The following NKX2-2 variants were observed in gnomAD, a reference collection of about 807,000 sequenced individuals.
The protein encoded by NKX2-2 is NK2 homeobox 2.
NKX2-2 carries 8 observed loss-of-function variants against 24.6 expected under a neutral mutation model. The observed-to-expected ratio is 0.32, with a 90% CI of 0.19 to 0.59. The LOEUF is 0.59. NKX2-2 is among the 20% of genes least tolerant of loss of function. The probability of loss-of-function intolerance (pLI) is 0.86; values close to 1 mark genes in which losing one functional copy is unlikely to be tolerated. For missense variants in NKX2-2, 381 were observed against 373.9 expected (o/e 1.02, Z -0.16); for synonymous variants, 217 against 173.3 (o/e 1.25, Z -1.98).
At chr20:21,521,550 C>T in the NKX2-2 span, among the ~76,000 whole-genome samples, 1 of 152,242 alleles carries the variant, frequency 6.6e-6, no homozygotes, top group Non-Finnish European at 1.5e-5. Flanking sequence ...CCCTCGTGCT[C>T]ATCACCACCG....
chr20:21,519,613 G>A, the NKX2-2 span, among the ~76,000 whole-genome samples: 4 of 152,182 alleles, frequency 2.6e-5, no homozygotes, highest in African/African-American at 7.2e-5. Flanking sequence ...CTTCCAATGC[G>A]GGAGCAGGGG....
chr20:21,520,077 C>T, the NKX2-2 span, among the ~76,000 whole-genome samples: 3 of 152,006 alleles, frequency 2.0e-5, no homozygotes, highest in African/African-American at 7.3e-5. Flanking sequence ...TGAGTGGATG[C>T]CTCCCAGATG....
upstream of NKX2-2, among the ~76,000 whole-genome samples, chr20:21,514,336 C>T (rs1269763234): frequency 1.3e-5 from 2 of 151,486 alleles, no homozygotes; most frequent in East Asian, 3.9e-4. Context: ...CGCTCCCAGC[C>T]AACGGCCCTC....
Position 21,511,698 on chromosome 20 carries a change from G to T in NKX2-2, c.*225C>A, listed in dbSNP as rs1173702845. 3 of 427,584 alleles carry T rather than the reference G, an allele frequency of 7.0e-6. No individual in the cohort carries two copies. Among genetic ancestry groups the T allele is most frequent in the Non-Finnish European group, 1.2e-5 (3 of 244,258 alleles). The allele number at this position is 427,584 out of a possible 1,614,324, so 26.5% of individuals were successfully genotyped here. A position where few individuals can be genotyped will look rare whatever the true frequency, so the allele number is the denominator to read the frequency against. ...GCGTAGAGTTCAGCCCTCTCCCAAG[G>T]TTCAGAAGGAGAGGCATGGGCAGAG... On this transcript the variant is annotated 3_prime_UTR_variant, in exon 2 of 2. Transcript: ENST00000377142.
the NKX2-2 span, among the ~76,000 whole-genome samples, chr20:21,521,924 G>T: frequency 6.6e-6 from 1 of 152,122 alleles, no homozygotes; most frequent in East Asian, 1.9e-4. Flanking sequence ...CCCACCGCGC[G>T]CCCTACCAGG....
At chr20:21,516,390 CTT>C (rs5840920), upstream of NKX2-2, among the ~76,000 whole-genome samples, 463 of 134,814 alleles carry the variant, frequency 3.4e-3, 4 homozygotes, top group African/African-American at 0.011. Context: ...ACTTTTCGTG[CTT>C]TTTTTTTTTT....
At chr20:21,519,440 G>A in the NKX2-2 span, among the ~76,000 whole-genome samples, 1 of 152,222 alleles carries the variant, frequency 6.6e-6, no homozygotes. Context: ...AGGTTTTGTC[G>A]GAGGGGGAAG....
At chr20:21,520,581 A>G in the NKX2-2 span, among the ~76,000 whole-genome samples, 1 of 152,176 alleles carries the variant, frequency 6.6e-6, no homozygotes, top group Admixed American at 6.5e-5. Context: ...TAAATTGAAC[A>G]CGAACTGTGG....
Position 21,511,594 on chromosome 20 carries a change from A to G in NKX2-2, c.*329T>C. 1 of 235,354 alleles carries G rather than the reference A, an allele frequency of 4.2e-6. No homozygotes were observed. Among genetic ancestry groups the G allele is most frequent in the Non-Finnish European group, 8.1e-6 (1 of 123,426 alleles). The allele number at this position is 235,354 out of a possible 1,614,324, so 14.6% of individuals were successfully genotyped here. On this transcript the variant is annotated 3_prime_UTR_variant, in exon 2 of 2. Transcript: ENST00000377142. ...TCGGTCTTTTTCTCGTTTTCAAGTGACGACATTAACGCTGGGACGGTTTGG... is the reference window on the plus strand; with the variant it reads ...TCGGTCTTTTTCTCGTTTTCAAGTGGCGACATTAACGCTGGGACGGTTTGG...
chr20:21,518,010 C>T (rs1045899612), upstream of NKX2-2, among the ~76,000 whole-genome samples: 2 of 152,228 alleles, frequency 1.3e-5, no homozygotes, highest in African/African-American at 4.8e-5. Flanking sequence ...AAATTCTTTC[C>T]AGGTACCGTC....
At chr20:21,521,945 G>C in the NKX2-2 span, among the ~76,000 whole-genome samples, 1 of 152,318 alleles carries the variant, frequency 6.6e-6, no homozygotes, top group South Asian at 2.1e-4. Flanking sequence ...CGGGGCTCAG[G>C]GGACCGCAGG....
Position 21,513,533 on chromosome 20 carries a change from C to T in NKX2-2, c.137G>A (p.Gly46Glu). The change falls in exon 1 of 2, where the codon GGG becomes GAG. Residue 46 changes from glycine to glutamate, a missense_variant. Gly to Glu is a moderately conservative substitution (Grantham distance 98, BLOSUM62 -2). Coordinates refer to ENST00000377142, the MANE Select transcript of NKX2-2 (RefSeq NM_002509.4). The surrounding 1 kb of genome is among the most constrained non-coding windows in gnomAD (Gnocchi z 4.6). ...NEGPEPAKRA[G>E]PLGQGALDAV... ...GTCCAGGGCGCCCTGCCCCAGCGGCCCGGCCCTCTTGGCTGGCTCGGGCCC... is the reference window on the plus strand; with the variant it reads ...GTCCAGGGCGCCCTGCCCCAGCGGCTCGGCCCTCTTGGCTGGCTCGGGCCC... 1.2e-6 allele frequency: 2 copies of T among 1,613,466 alleles called. No individual in the cohort carries two copies. Among genetic ancestry groups the T allele is most frequent in the Non-Finnish European group, 8.5e-7 (1 of 1,179,740 alleles).
chr20:21,521,916 C>T, the NKX2-2 span, among the ~76,000 whole-genome samples: 1 of 152,212 alleles, frequency 6.6e-6, no homozygotes, highest in Non-Finnish European at 1.5e-5. Flanking sequence ...GCCCTTCCCC[C>T]ACCGCGCGCC....
upstream of NKX2-2, among the ~76,000 whole-genome samples, chr20:21,516,673 G>C (rs963519294): frequency 9.2e-5 from 14 of 152,146 alleles, no homozygotes; most frequent in African/African-American, 3.4e-4. Flanking sequence ...CAGTCCTAAG[G>C]GGGTGGAGGC....
rs759902268 is a variant in NKX2-2, at chr20:21,512,211, G to A, written c.534C>T (p.Asn178=). 81 of 1,613,928 alleles carry A rather than the reference G, an allele frequency of 5.0e-5. 1 individual carries two copies. The highest frequency in any genetic ancestry group is 5.9e-5 in the Non-Finnish European group (70 of 1,179,966). The part of the protein sequence containing the change: ...TPTQVKIWFQ[N]HRYKMKRARA... ...GGGCGCGCTTCATCTTGTAGCGGTGGTTCTGGAACCAGATCTTGACCTGCG... is the reference window on the plus strand; with the variant it reads ...GGGCGCGCTTCATCTTGTAGCGGTGATTCTGGAACCAGATCTTGACCTGCG... The change falls in exon 2 of 2, where the codon AAC becomes AAT. Residue 178 remains asparagine (N), a synonymous_variant. Coordinates refer to ENST00000377142, the MANE Select transcript of NKX2-2 (RefSeq NM_002509.4).
chr20:21,518,049 G>C (rs888690760), upstream of NKX2-2, among the ~76,000 whole-genome samples: 4 of 152,182 alleles, frequency 2.6e-5, no homozygotes, highest in Non-Finnish European at 5.9e-5. Context: ...AATGTCCTCC[G>C]TTCCGTCAAG....
chr20:21,521,337 C>T, the NKX2-2 span, among the ~76,000 whole-genome samples: 7 of 152,046 alleles, frequency 4.6e-5, no homozygotes. Flanking sequence ...AGGGGGCGCC[C>T]CTCGGAGACA....
chr20:21,515,038 T>G (rs1980590332), upstream of NKX2-2, among the ~76,000 whole-genome samples: 1 of 152,000 alleles, frequency 6.6e-6, no homozygotes, highest in African/African-American at 2.4e-5. Context: ...CTTTCTGCTT[T>G]GCGGGCGGTC....
chr20:21,518,478 T>A (rs1270638509), upstream of NKX2-2, among the ~76,000 whole-genome samples: 1 of 152,114 alleles, frequency 6.6e-6, no homozygotes, highest in Non-Finnish European at 1.5e-5. Context: ...CCGCAACGAA[T>A]TGAGTTCGGG....
Sources: gnomAD v4.1 joint callset for allele counts (sites outside exome capture counted in the v4.1 genomes callset) on GRCh38, gnomAD v4.1.1 for gene constraint, Gnocchi (gnomAD v3.1) non-coding constraint, MANE v1.5 for transcripts, NCBI Gene and HGNC (gene_info 2026-07-23, HGNC 2026-07-21) for gene names.